GOPC: variants seen among roughly 807,000 people sequenced by gnomAD.
GOPC encodes the protein Golgi-associated PDZ and coiled-coil motif-containing protein.
A neutral mutation model predicts 51.2 loss-of-function variants in GOPC; 32 were observed. The ratio of observed to expected loss-of-function variants is 0.63; its 90% CI spans 0.47 to 0.84. The LOEUF (loss-of-function observed/expected upper bound fraction) is 0.84. Ranked by LOEUF, GOPC falls within the 40% of genes least tolerant of loss-of-function variation. The pLI, the probability that GOPC is intolerant of heterozygous loss-of-function variation, is 0.00. For missense variants in GOPC, 441 were observed against 555.5 expected (o/e 0.79, Z 2.07); for synonymous variants, 190 against 205.1 (o/e 0.93, Z 0.63).
At chr6:117,599,360 T>C (rs1442113234) in intron 1 of GOPC, among the ~76,000 whole-genome samples, 1 of 151,974 alleles carries the variant, frequency 6.6e-6, no homozygotes, top group African/African-American at 2.4e-5. Context: ...GGCAAGAAAA[T>C]ATGGAAATTG....
rs763110525 is a variant in GOPC at position 117,602,294 on chromosome 6, C to G, written c.-6G>C. On this transcript the variant is annotated 5_prime_UTR_variant, in exon 1 of 9. Transcript: ENST00000368498. ...CATGGACCGCCCGCCGACATGGCGC[C>G]GTCAAGGGCCTCTCCCGACTGCTGA... 13 of 1,582,606 alleles carry G rather than the reference C, an allele frequency of 8.2e-6. No individual in the cohort carries two copies. Among genetic ancestry groups the G allele is most frequent in the African/African-American group, 1.3e-5 (1 of 74,266 alleles).
chr6:117,569,885 T>A, intron 6 of GOPC, 149 bp from the exon 7 acceptor site: 1 of 846,138 alleles, frequency 1.2e-6, no homozygotes, highest in Non-Finnish European at 1.7e-6. Context: ...ATTTGCTACT[T>A]AAGTAATGGT....
At chr6:117,583,025 A>G (rs948343549) in intron 1 of GOPC, among the ~76,000 whole-genome samples, 1 of 152,062 alleles carries the variant, frequency 6.6e-6, no homozygotes, top group Non-Finnish European at 1.5e-5. Context: ...GATCGCAGGC[A>G]CCCAGACCTG....
chr6:117,581,454 C>A (rs1779956338), intron 1 of GOPC, among the ~76,000 whole-genome samples: 1 of 98,472 alleles, frequency 1.0e-5, no homozygotes, highest in Non-Finnish European at 1.9e-5. Flanking sequence ...TTAACTATCA[C>A]TCAGATCTTG....
intron 1 of GOPC, among the ~76,000 whole-genome samples, chr6:117,584,310 C>T (rs1481389100): frequency 6.6e-6 from 1 of 152,168 alleles, no homozygotes; most frequent in Non-Finnish European, 1.5e-5. Flanking sequence ...ACTGTCAGAT[C>T]CCACAGATTG....
chr6:117,588,741 A>G (rs1230933318), intron 1 of GOPC, among the ~76,000 whole-genome samples: 1 of 151,072 alleles, frequency 6.6e-6, no homozygotes, highest in Non-Finnish European at 1.5e-5. Context: ...TCTCAGTTTA[A>G]TTTCTAATAC....
In GOPC at chr6:117,567,032, T is replaced by A. The variant is rs776892267; in HGVS notation, c.1080A>T (p.Arg360Ser). 5 of 1,560,816 alleles carry A rather than the reference T, an allele frequency of 3.2e-6. No individual in the cohort carries two copies. The East Asian group carries it at 1.1e-4, about 36-fold the overall frequency. ...KEAVTILSQQRGEIEFEVVYV... is the reference protein window; with the variant it reads ...KEAVTILSQQSGEIEFEVVYV... ...AAACTACTTCAAATTCAATCTCTCCTCTCTAAAACAGGAAATGAAAATGAG... is the reference window on the plus strand; with the variant it reads ...AAACTACTTCAAATTCAATCTCTCCACTCTAAAACAGGAAATGAAAATGAG... Residue 360 changes from arginine (R) to serine (S), a missense_variant and splice_region_variant, in exon 8 of 9, where the codon AGA becomes AGT. By Grantham distance (110) the Arg-to-Ser change is moderately radical (BLOSUM62 -1). Coordinates refer to ENST00000368498, the MANE Select transcript of GOPC (RefSeq NM_020399.4).
At chr6:117,563,846 T>A (rs1779639376) in intron 8 of GOPC, among the ~76,000 whole-genome samples, 1 of 152,066 alleles carries the variant, frequency 6.6e-6, no homozygotes. Flanking sequence ...ATTAATCAAA[T>A]CAGTAATTCC....
At chr6:117,588,354 C>A (rs1161321348) in intron 1 of GOPC, among the ~76,000 whole-genome samples, 3 of 151,934 alleles carry the variant, frequency 2.0e-5, no homozygotes. Context: ...TGGCTCACTG[C>A]AACCTCCACG....
intron 1 of GOPC, among the ~76,000 whole-genome samples, chr6:117,598,827 G>A (rs532343570): frequency 5.3e-5 from 8 of 152,208 alleles, no homozygotes; most frequent in African/African-American, 1.7e-4. Context: ...AAAAGTTCTA[G>A]TATTCTATAG....
intron 1 of GOPC, among the ~76,000 whole-genome samples, chr6:117,583,631 C>T (rs563338070): frequency 1.1e-4 from 17 of 152,224 alleles, no homozygotes; most frequent in South Asian, 1.0e-3. Context: ...AAGTCGTCAT[C>T]GCTCTCTTTG....
At chr6:117,568,225 C>T (rs904928493) in intron 7 of GOPC, among the ~76,000 whole-genome samples, 1 of 151,688 alleles carries the variant, frequency 6.6e-6, no homozygotes, top group African/African-American at 2.4e-5. Flanking sequence ...TGTTACAGAT[C>T]GTTTTATGTT....
At chr6:117,589,345 GT>G (rs1237095650) in intron 1 of GOPC, among the ~76,000 whole-genome samples, 2 of 152,214 alleles carry the variant, frequency 1.3e-5, no homozygotes, top group Non-Finnish European at 2.9e-5. Flanking sequence ...TTGAGATGGA[GT>G]TTCACTCTTG....
chr6:117,575,460 C>T (rs966818848), intron 3 of GOPC, 108 bp from the exon 4 acceptor site: 1 of 854,916 alleles, frequency 1.2e-6, no homozygotes, highest in African/African-American at 1.6e-5. Context: ...TGTATCATCT[C>T]TATAAAATGG....
intron 4 of GOPC, 143 bp from the exon 5 acceptor site, chr6:117,573,775 C>T (rs538649929): frequency 5.2e-6 from 3 of 576,516 alleles, no homozygotes; most frequent in South Asian, 4.0e-5. Context: ...TGATGTCTCT[C>T]AGATATAAAA....
intron 1 of GOPC, among the ~76,000 whole-genome samples, chr6:117,600,334 G>T (rs1403919148): frequency 1.3e-5 from 2 of 152,128 alleles, no homozygotes; most frequent in Admixed American, 6.5e-5. Context: ...ATCTATAAGT[G>T]GATTAATCCA....
Position 117,573,492 on chromosome 6 carries a change from C to T in GOPC, c.791G>A (p.Arg264Gln). 5 of 1,613,800 alleles carry T rather than the reference C, an allele frequency of 3.1e-6. No homozygotes were observed. Among genetic ancestry groups the T allele is most frequent in the Non-Finnish European group, 4.2e-6 (5 of 1,179,858 alleles). ...ATGGCCTGGTGGTGCTTGCATTGGT[C>T]GTTTCAAGTCATTACGTCCTCTGCA... ...RACRGRNDLK[R>Q]PMQAPPGHDQ... is the part of the protein sequence containing the mutation. The change falls in exon 5 of 9, where the codon CGA (arginine) becomes CAA (glutamine). Residue 264 changes from arginine (R) to glutamine (Q), a missense_variant. Arg to Gln is a conservative substitution (Grantham distance 43). Transcript: ENST00000368498.
At chr6:117,599,665 T>C (rs1267463457) in intron 1 of GOPC, among the ~76,000 whole-genome samples, 1 of 152,252 alleles carries the variant, frequency 6.6e-6, no homozygotes, top group Non-Finnish European at 1.5e-5. Flanking sequence ...ATAAAAAATA[T>C]GCTCACATTG....
rs202076938 is a variant in GOPC at position 117,602,097 on chromosome 6, A to G, written c.192T>C (p.Tyr64=). The stretch of plus-strand genomic sequence containing the variant: ...GGCTGGTCATCTTCTGTCGCCCCTC[A>G]TAAGTGATGTCCGCTTGGTCTGGAT... ...EIDPDQADIT[Y]EGRQKMTSLS... is the part of the protein sequence containing the mutation. Residue 64 remains tyrosine (Y), a synonymous_variant, in exon 1 of 9, where the codon TAT becomes TAC. Transcript: ENST00000368498. 1.7e-5 allele frequency: 28 copies of G among 1,614,084 alleles called. No individual in the cohort carries two copies. The highest frequency in any genetic ancestry group is 2.2e-5 in the East Asian group (1 of 44,870).
Sources: allele counts gnomAD v4.1 joint callset (sites outside exome capture counted in the v4.1 genomes callset), GRCh38; gene constraint gnomAD v4.1.1; transcripts MANE v1.5; gene names NCBI Gene and HGNC (gene_info 2026-07-23, HGNC 2026-07-21).